The following SYNDIG1 variants were observed in gnomAD, a reference collection of about 807,000 sequenced individuals.
SYNDIG1 encodes the protein synapse differentiation-inducing gene protein 1.
SYNDIG1 carries 9 observed loss-of-function variants against 19.4 expected under a neutral mutation model. The observed-to-expected ratio is 0.46, with a 90% CI of 0.28 to 0.81. SYNDIG1 has a LOEUF of 0.81. Among genes scored for constraint, SYNDIG1 ranks in the 30% least tolerant of loss-of-function variants. The probability of loss-of-function intolerance (pLI) is 0.12; values close to 1 mark genes in which losing one functional copy is unlikely to be tolerated. For synonymous variants in SYNDIG1, 141 were observed against 145.9 expected (o/e 0.97, Z 0.24); for missense variants, 311 against 343.3 (o/e 0.91, Z 0.74).
intron 3 of SYNDIG1, among the ~76,000 whole-genome samples, chr20:24,645,941 G>A (rs549846747): frequency 3.3e-5 from 5 of 152,254 alleles, no homozygotes; most frequent in East Asian, 1.9e-4. Flanking sequence ...CACCCTTCTC[G>A]CCTGGATAGA....
intron 1 of SYNDIG1, among the ~76,000 whole-genome samples, chr20:24,528,389 T>G (rs1028704516): frequency 2.0e-5 from 3 of 152,246 alleles, no homozygotes; most frequent in Non-Finnish European, 2.9e-5. Flanking sequence ...CTTAGTTTGC[T>G]TCTGCTGTTA....
rs777202737 is a variant in SYNDIG1 at position 24,584,999 on chromosome 20, G to T, written c.618+6G>T. On this transcript the variant is annotated splice_donor_region_variant and intron_variant, in intron 3 of 3. Coordinates refer to ENST00000376862, the MANE Select transcript of SYNDIG1 (RefSeq NM_024893.3). ...CCTTCTACTTGTCCCATGAGGTAAG[G>T]CCTCCTTGGTCTGTCGCACGTGGTG... 6.8e-6 allele frequency: 11 copies of T among 1,611,196 alleles called. No homozygotes were observed. Among genetic ancestry groups the T allele is most frequent in the South Asian group, 1.1e-5 (1 of 90,862 alleles).
At chr20:24,650,820 ACT>A (rs1849633483) in intron 3 of SYNDIG1, among the ~76,000 whole-genome samples, 2 of 136,936 alleles carry the variant, frequency 1.5e-5, no homozygotes, top group Admixed American at 1.5e-4. Flanking sequence ...CCACGCAATG[ACT>A]CTTATTTCTT....
At chr20:24,520,903 G>A (rs2056989123) in intron 1 of SYNDIG1, among the ~76,000 whole-genome samples, 1 of 152,066 alleles carries the variant, frequency 6.6e-6, no homozygotes, top group Non-Finnish European at 1.5e-5. Flanking sequence ...TTGCTGTGCA[G>A]CCATCACCAC....
intron 2 of SYNDIG1, among the ~76,000 whole-genome samples, chr20:24,562,451 T>C (rs1488179056): frequency 1.3e-5 from 2 of 152,236 alleles, no homozygotes; most frequent in Non-Finnish European, 2.9e-5. Flanking sequence ...TAATAACTCA[T>C]TTAAATGTGT....
intron 2 of SYNDIG1, among the ~76,000 whole-genome samples, chr20:24,577,707 C>G (rs1478678888): frequency 1.3e-5 from 2 of 152,210 alleles, no homozygotes; most frequent in Non-Finnish European, 2.9e-5. Context: ...TGTCCTTGGT[C>G]CTGTCCTCAG....
At chr20:24,479,787 G>A (rs1361187051) in intron 1 of SYNDIG1, among the ~76,000 whole-genome samples, 3 of 152,196 alleles carry the variant, frequency 2.0e-5, no homozygotes, top group East Asian at 1.9e-4. Context: ...GTGCAGATCC[G>A]CCTCTGGGGC....
chr20:24,628,011 A>G (rs921705968), intron 3 of SYNDIG1, among the ~76,000 whole-genome samples: 1 of 152,176 alleles, frequency 6.6e-6, no homozygotes, highest in Non-Finnish European at 1.5e-5. Flanking sequence ...TGGATGTTAA[A>G]TCATCTTTGA....
chr20:24,656,895 C>T (rs2059530812), intron 3 of SYNDIG1, among the ~76,000 whole-genome samples: 1 of 152,330 alleles, frequency 6.6e-6, no homozygotes, highest in East Asian at 1.9e-4. Flanking sequence ...TGTTTGGGTC[C>T]TGCGGACGGA....
intron 3 of SYNDIG1, among the ~76,000 whole-genome samples, chr20:24,610,341 G>C (rs912524897): frequency 1.3e-5 from 2 of 152,162 alleles, no homozygotes; most frequent in African/African-American, 4.8e-5. Context: ...AACCAAAAGG[G>C]ATATTGTAAG....
At chr20:24,523,547 G>T (rs537567383) in intron 1 of SYNDIG1, among the ~76,000 whole-genome samples, 1 of 152,224 alleles carries the variant, frequency 6.6e-6, no homozygotes, top group East Asian at 1.9e-4. Flanking sequence ...AGTTAATATT[G>T]CCTCTGTATT....
chr20:24,648,896 GA>G (rs1483571619), intron 3 of SYNDIG1, among the ~76,000 whole-genome samples: 1 of 152,190 alleles, frequency 6.6e-6, no homozygotes, highest in African/African-American at 2.4e-5. Context: ...ATTTCTGTTG[GA>G]AAAGGTACTG....
intron 1 of SYNDIG1, among the ~76,000 whole-genome samples, chr20:24,519,044 A>G (rs2056948849): frequency 6.6e-6 from 1 of 152,194 alleles, no homozygotes; most frequent in Non-Finnish European, 1.5e-5. Flanking sequence ...CCAGGAATAA[A>G]CTTGAGATAT....
At chr20:24,507,388 G>T (rs546590841) in intron 1 of SYNDIG1, among the ~76,000 whole-genome samples, 2 of 152,240 alleles carry the variant, frequency 1.3e-5, no homozygotes, top group Non-Finnish European at 2.9e-5. Context: ...GTTCCTGAAG[G>T]AGGAATAAAT....
chr20:24,617,211 G>A (rs558167075), intron 3 of SYNDIG1, among the ~76,000 whole-genome samples: 31 of 152,274 alleles, frequency 2.0e-4, no homozygotes, highest in Non-Finnish European at 3.5e-4. Flanking sequence ...GCATGACTCT[G>A]CAAGGGGCTG....
At chr20:24,589,095 G>A (rs1039349534) in intron 3 of SYNDIG1, among the ~76,000 whole-genome samples, 24 of 152,206 alleles carry the variant, frequency 1.6e-4, no homozygotes, top group Non-Finnish European at 2.8e-4. Flanking sequence ...GGGTGTGTGC[G>A]ATTAGGGTGG....
intron 2 of SYNDIG1, among the ~76,000 whole-genome samples, chr20:24,567,450 A>G (rs2058066930): frequency 6.6e-6 from 1 of 152,122 alleles, no homozygotes; most frequent in Non-Finnish European, 1.5e-5. Context: ...TCTGAAGGAC[A>G]TCCCCAGCAT....
intron 1 of SYNDIG1, among the ~76,000 whole-genome samples, chr20:24,529,693 T>C (rs1600531931): frequency 6.6e-6 from 1 of 152,166 alleles, no homozygotes; most frequent in African/African-American, 2.4e-5. Context: ...ATTTGTTCTG[T>C]GGCCTTGATT....
chr20:24,642,138 C>T (rs924562344), intron 3 of SYNDIG1, among the ~76,000 whole-genome samples: 1 of 152,222 alleles, frequency 6.6e-6, no homozygotes, highest in African/African-American at 2.4e-5. Flanking sequence ...GTTGTGCCTC[C>T]TTAAGTTCCT....
Sources: gnomAD v4.1 joint callset for allele counts (sites outside exome capture counted in the v4.1 genomes callset) on GRCh38, gnomAD v4.1.1 for gene constraint, MANE v1.5 for transcripts, NCBI Gene and HGNC (gene_info 2026-07-23, HGNC 2026-07-21) for gene names.